The following AVEN variants were observed in gnomAD, a reference collection of about 807,000 sequenced individuals.
AVEN encodes cell death regulator Aven.
AVEN carries 41 observed loss-of-function variants against 38.1 expected under a neutral mutation model. The ratio of observed to expected loss-of-function variants is 1.08; its 90% CI spans 0.84 to 1.40. The LOEUF (loss-of-function observed/expected upper bound fraction) is 1.40. Ranked by LOEUF, AVEN falls within the 40% of genes most tolerant of loss-of-function variation. AVEN has a pLI of 0.00. For missense variants in AVEN, 605 were observed against 438.8 expected (o/e 1.38, Z -3.38); for synonymous variants, 206 against 171.8 (o/e 1.20, Z -1.56).
intron 1 of AVEN, among the ~76,000 whole-genome samples, chr15:34,008,904 C>G (rs1897497528): frequency 6.6e-6 from 1 of 150,516 alleles, no homozygotes; most frequent in South Asian, 2.2e-4. Context: ...TGCAGACCCA[C>G]TCCATTTTGT....
chr15:33,972,176 G>A (rs1164092985), intron 2 of AVEN: 2 of 151,968 alleles, frequency 1.3e-5, no homozygotes, highest in African/African-American at 2.4e-5. Context: ...ACATCATGTT[G>A]GTTAAATTCA....
chr15:33,999,026 T>C (rs1897043313), intron 2 of AVEN, among the ~76,000 whole-genome samples: 1 of 152,240 alleles, frequency 6.6e-6, no homozygotes, highest in African/African-American at 2.4e-5. Context: ...TATTAGATGT[T>C]GTGCTGGGTC....
At chr15:34,017,497 T>TTTTTTTTTTTTTTG (rs1555516619) in intron 1 of AVEN, among the ~76,000 whole-genome samples, 6 of 133,360 alleles carry the variant, frequency 4.5e-5, no homozygotes, top group South Asian at 2.4e-4. Flanking sequence ...TTTTTTTTTT[T>TTTTTTTTTTTTTTG]TTTGAGACAG....
intron 3 of AVEN, among the ~76,000 whole-genome samples, chr15:33,874,516 A>C (rs554203476): frequency 5.3e-5 from 8 of 152,242 alleles, no homozygotes; most frequent in African/African-American, 1.7e-4. Flanking sequence ...TCCCCATGGT[A>C]CCAATTCTAA....
At chr15:33,853,575 T>G in the AVEN span, 2 of 1,613,652 alleles carry the variant, frequency 1.2e-6, no homozygotes, top group Non-Finnish European at 1.7e-6. Flanking sequence ...AGTATGGAGA[T>G]CTCTACGGAG....
chr15:33,896,604 A>C (rs1300281902), intron 2 of AVEN, among the ~76,000 whole-genome samples: 2 of 152,148 alleles, frequency 1.3e-5, no homozygotes, highest in African/African-American at 2.4e-5. Context: ...GGCCAATTTC[A>C]ATCTGTCAAA....
At chr15:33,943,903 A>T (rs1894412304) in intron 2 of AVEN, among the ~76,000 whole-genome samples, 1 of 150,252 alleles carries the variant, frequency 6.7e-6, no homozygotes, top group South Asian at 2.1e-4. Flanking sequence ...TATTTTATAT[A>T]CTTCTTTATT....
At chr15:33,873,102 T>TTTC (rs1891062151) in intron 3 of AVEN, among the ~76,000 whole-genome samples, 1 of 137,018 alleles carries the variant, frequency 7.3e-6, no homozygotes, top group Non-Finnish European at 1.6e-5. Context: ...TTCTTTTTTT[T>TTTC]TTTTTTTTTT....
rs376215095 is a variant in AVEN, at chr15:33,878,324, A to G, written c.446-2329T>C. 4.1e-4 allele frequency among the ~76,000 whole-genome samples: 62 copies of G among 152,332 alleles called. No homozygotes were observed. The South Asian group carries it at 7.0e-3, about 17-fold the overall frequency. On this transcript the variant is annotated intron_variant, in intron 2 of 5. Transcript: ENST00000306730. ...AAATGGATAGCCACTGGTGAAAAAC[A>G]TAAGAACAGAAGAGTGTCTAGAAAC...
intron 2 of AVEN, among the ~76,000 whole-genome samples, chr15:33,903,195 T>G (rs544091581): frequency 6.6e-6 from 1 of 152,316 alleles, no homozygotes; most frequent in South Asian, 2.1e-4. Context: ...GAATGAGGGA[T>G]TATGCAGAAT....
At chr15:33,933,580 G>GAGA (rs1893956048) in intron 2 of AVEN, among the ~76,000 whole-genome samples, 1 of 134,500 alleles carries the variant, frequency 7.4e-6, no homozygotes, top group Non-Finnish European at 1.6e-5. Flanking sequence ...GAGAGAGAGA[G>GAGA]AACTGAGGCA....
intron 2 of AVEN, among the ~76,000 whole-genome samples, chr15:33,999,565 C>T (rs1337442850): frequency 6.6e-6 from 1 of 152,136 alleles, no homozygotes; most frequent in African/African-American, 2.4e-5. Flanking sequence ...TGTTCAGACC[C>T]AAAACCTAGT....
chr15:33,989,218 T>C (rs1315922865), intron 2 of AVEN, among the ~76,000 whole-genome samples: 1 of 152,168 alleles, frequency 6.6e-6, no homozygotes, highest in Non-Finnish European at 1.5e-5. Flanking sequence ...TACATATATA[T>C]GTTAGTACCA....
At chr15:33,920,681 G>C (rs970214039) in intron 2 of AVEN, among the ~76,000 whole-genome samples, 13 of 152,160 alleles carry the variant, frequency 8.5e-5, no homozygotes, top group African/African-American at 2.9e-4. Context: ...TTAAGGACAA[G>C]GGCCACACCT....
chr15:33,965,009 T>C (rs1895332771), intron 2 of AVEN, among the ~76,000 whole-genome samples: 2 of 152,180 alleles, frequency 1.3e-5, no homozygotes, highest in South Asian at 2.1e-4. Context: ...CAGGGTAAAC[T>C]TGAACAAGTT....
intron 4 of AVEN, chr15:34,064,370 G>T: frequency 6.6e-7 from 1 of 1,524,240 alleles, no homozygotes. Flanking sequence ...ATCCTCTGAG[G>T]ATGAGCAAGC....
intron 1 of AVEN, among the ~76,000 whole-genome samples, chr15:34,019,829 C>A (rs1354466910): frequency 6.6e-6 from 1 of 152,180 alleles, no homozygotes; most frequent in East Asian, 1.9e-4. Flanking sequence ...TGCACAATGA[C>A]AAGTCACCTA....
intron 2 of AVEN, among the ~76,000 whole-genome samples, chr15:33,961,629 C>A (rs550742044): frequency 6.6e-5 from 10 of 150,798 alleles, no homozygotes; most frequent in East Asian, 2.0e-4. Flanking sequence ...CTGGCTAACA[C>A]GGTGAAACCC....
intron 2 of AVEN, among the ~76,000 whole-genome samples, chr15:33,893,951 A>ATTT (rs11463061): frequency 0.46 from 66,120 of 142,260 alleles, 17,334 homozygotes; most frequent in Non-Finnish European, 0.58. Context: ...TGATGCCAAG[A>ATTT]TTTTTTTTTT....
Sources: gnomAD v4.1 joint callset for allele counts (sites outside exome capture counted in the v4.1 genomes callset) on GRCh38, gnomAD v4.1.1 for gene constraint, MANE v1.5 for transcripts, NCBI Gene and HGNC (gene_info 2026-07-23, HGNC 2026-07-21) for gene names.